The following GLI2 variants were observed in gnomAD, a reference collection of about 807,000 sequenced individuals.
GLI2 encodes GLI family zinc finger 2, also known as transcription activator GLI2.
In GLI2, 22 loss-of-function variants were observed where a neutral mutation model predicts 78.9. The ratio of observed to expected loss-of-function variants is 0.28; its 90% confidence interval spans 0.20 to 0.40. The LOEUF (loss-of-function observed/expected upper bound fraction) is 0.40, where lower values mean the gene tolerates loss of function less well. GLI2 is among the 10% of genes least tolerant of loss of function. The probability of loss-of-function intolerance (pLI) is 1.00; values close to 1 mark genes in which losing one functional copy is unlikely to be tolerated. For synonymous variants in GLI2, 974 were observed against 963.7 expected (o/e 1.01, Z -0.20); for missense variants, 2,097 against 2,213.2 (o/e 0.95, Z 1.05).
Position 120,951,227 on chromosome 2 carries a change from C to T in GLI2, c.255-16C>T, listed in dbSNP as rs764133019. The T allele has an allele frequency of 2.0e-6, 3 of 1,494,186 alleles. No individual in the cohort carries two copies. The highest frequency in any genetic ancestry group is 2.8e-6 in the Non-Finnish European group (3 of 1,070,694). 92.6% of individuals were successfully genotyped at this position (1,494,186 alleles called of 1,614,324 possible). ...CTGTGTCCTCCTTCTTAGACGGCTG[C>T]CCATTGTCTCTGCAGGCCCCCTGCC... On this transcript the variant is annotated splice_polypyrimidine_tract_variant and intron_variant, in intron 3 of 13. Coordinates refer to ENST00000361492, the MANE Select transcript of GLI2 (RefSeq NM_001374353.1).
intron 2 of GLI2, among the ~76,000 whole-genome samples, chr2:120,821,764 C>G (rs1685787043): frequency 6.6e-6 from 1 of 152,198 alleles, no homozygotes; most frequent in Non-Finnish European, 1.5e-5. Flanking sequence ...GTTGCCTAAG[C>G]CTGTGCTGCG....
intron 2 of GLI2, among the ~76,000 whole-genome samples, chr2:120,897,378 A>G (rs1678031920): frequency 6.6e-6 from 1 of 152,240 alleles, no homozygotes; most frequent in African/African-American, 2.4e-5. Flanking sequence ...CTTTCCTACT[A>G]AAGGCTAAAA....
In GLI2 at chr2:120,988,738, G is replaced by A. The variant is rs1027551866; in HGVS notation, c.2773G>A (p.Asp925Asn). 6.7e-6 allele frequency: 8 copies of A among 1,200,736 alleles called. No homozygotes were observed. The highest frequency in any genetic ancestry group is 8.3e-6 in the Non-Finnish European group (8 of 966,238). 74.4% of individuals were successfully genotyped at this position (1,200,736 alleles called of 1,614,324 possible). A position where few individuals can be genotyped will look rare whatever the true frequency, so the allele number is the denominator to read the frequency against. Residue 925 changes from aspartate (D) to asparagine (N), a missense_variant, in exon 14 of 14, where the codon GAC (aspartate) becomes AAC (asparagine). Asp to Asn is a conservative substitution (Grantham distance 23). Around this residue, in one of 5 missense-constraint regions of GLI2, gnomAD observed 1,290 missense variants for 1,261.7 expected, o/e 1.02. Transcript: ENST00000361492. Reference protein sequence around the residue: ...PRPLGPRRGSDGPTYGHGHAG... With the variant: ...PRPLGPRRGSNGPTYGHGHAG... ...CCCACTGGGGCCGCGGCGTGGCAGC[G>A]ACGGGCCGACCTATGGCCACGGCCA...
intron 2 of GLI2, among the ~76,000 whole-genome samples, chr2:120,881,702 ACAGTGGGGAGAGGG>A (rs1677146755): frequency 1.3e-5 from 1 of 78,228 alleles, no homozygotes; most frequent in Non-Finnish European, 2.6e-5. Context: ...AGTCGGGAGG[ACAGTGGGGAGAGGG>A]CAGGTGGGGG....
intron 2 of GLI2, among the ~76,000 whole-genome samples, chr2:120,824,606 G>C (rs1212382295): frequency 6.6e-6 from 1 of 152,178 alleles, no homozygotes; most frequent in Non-Finnish European, 1.5e-5. Flanking sequence ...GCCCCCTTTG[G>C]GTCTACACCA....
chr2:120,795,998 C>A (rs764729467), intron 1 of GLI2, among the ~76,000 whole-genome samples: 8 of 152,086 alleles, frequency 5.3e-5, no homozygotes, highest in Non-Finnish European at 1.2e-4. Flanking sequence ...GAGCCAAGAT[C>A]GCGCCATTGC....
chr2:120,849,141 G>C (rs1284098927), intron 2 of GLI2, among the ~76,000 whole-genome samples: 2 of 152,190 alleles, frequency 1.3e-5, no homozygotes, highest in African/African-American at 4.8e-5. Context: ...CAAATTCAGA[G>C]AGACAGAAAG....
chr2:120,863,433 C>T (rs1269851327), intron 2 of GLI2, among the ~76,000 whole-genome samples: 1 of 152,240 alleles, frequency 6.6e-6, no homozygotes, highest in Non-Finnish European at 1.5e-5. Flanking sequence ...GCCGTCTCTC[C>T]TGCTATGATG....
intron 2 of GLI2, among the ~76,000 whole-genome samples, chr2:120,897,898 C>T (rs1019980012): frequency 2.0e-5 from 3 of 152,094 alleles, no homozygotes; most frequent in Admixed American, 2.0e-4. Flanking sequence ...TGATATCATC[C>T]AGTAACTCTA....
Position 120,992,008 on chromosome 2 carries a change from A to ACACACACG in GLI2, c.*1340_*1341insGCACACAC. The ACACACACG allele has an allele frequency of 9.7e-5, 1 of 10,274 alleles. No individual in the cohort carries two copies. Among genetic ancestry groups the ACACACACG allele is most frequent in the East Asian group, 1.2e-3 (1 of 844 alleles). The allele number at this position is 10,274 out of a possible 1,614,324, so 0.6% of individuals were successfully genotyped here. ...TGAATTGGTGCATCTTCCCCACCAT[A>ACACACACG]CACACACACACACACACACACACAC... On this transcript the variant is annotated 3_prime_UTR_variant, in exon 14 of 14. Coordinates refer to ENST00000361492, the MANE Select transcript of GLI2 (RefSeq NM_001374353.1).
chr2:120,955,285 T>C lies in GLI2; in HGVS notation c.498T>C (p.Leu166=). The C allele has an allele frequency of 1.2e-6, 2 of 1,611,114 alleles. No homozygotes were observed. Among genetic ancestry groups the C allele is most frequent in the Non-Finnish European group, 8.5e-7 (1 of 1,178,946 alleles). ...EHLKERGLFG[L]PAPGTTPSDY... ...TTAAGGAGAGGGGACTGTTTGGCCT[T>C]CCTGCTCCAGGCACCACCCCCTCAG... The change falls in exon 5 of 14, where the codon CTT becomes CTC. Residue 166 remains leucine (L), a synonymous_variant. Transcript: ENST00000361492.
At chr2:120,841,981 A>G (rs937652721) in intron 2 of GLI2, among the ~76,000 whole-genome samples, 4 of 146,042 alleles carry the variant, frequency 2.7e-5, no homozygotes, top group African/African-American at 1.0e-4. Flanking sequence ...GCTTTTGGTA[A>G]GTTTTTTTTA....
In GLI2 at chr2:120,841,922, C is replaced by G. The variant is rs182367567; in HGVS notation, c.148+44454C>G. ...GCTCTGGGAAAGATAAATGAAGGCC[C>G]TTCTCCTTCACTCCAGTTCACTTTT... On this transcript the variant is annotated intron_variant, in intron 2 of 13. Coordinates refer to ENST00000361492, the MANE Select transcript of GLI2 (RefSeq NM_001374353.1). Among the ~76,000 whole-genome samples the G allele has an allele frequency of 8.7e-3, 1,299 of 149,322 alleles. 9 individuals are homozygous for G. Among genetic ancestry groups the G allele is most frequent in the Non-Finnish European group, 0.014 (937 of 67,324 alleles).
chr2:120,856,266 C>A (rs1441115676), intron 2 of GLI2, among the ~76,000 whole-genome samples: 2 of 152,210 alleles, frequency 1.3e-5, no homozygotes, highest in Non-Finnish European at 2.9e-5. Flanking sequence ...GGGTGCCCAC[C>A]TCTAGCAGCT....
chr2:120,844,533 C>G (rs1228742790), intron 2 of GLI2, among the ~76,000 whole-genome samples: 2 of 152,142 alleles, frequency 1.3e-5, no homozygotes, highest in Non-Finnish European at 2.9e-5. Context: ...CCTGGAGCAG[C>G]CTTTGTTGCT....
chr2:120,879,548 T>C (rs766401603), intron 2 of GLI2, among the ~76,000 whole-genome samples: 14 of 152,136 alleles, frequency 9.2e-5, no homozygotes, highest in Admixed American at 5.2e-4. Context: ...AGGAGGATGG[T>C]GTCCACAGTG....
intron 2 of GLI2, among the ~76,000 whole-genome samples, chr2:120,834,209 T>G (rs955635711): frequency 2.6e-5 from 4 of 152,112 alleles, no homozygotes; most frequent in African/African-American, 9.7e-5. Context: ...CACTTCCCAG[T>G]GGGAGGACAC....
chr2:120,796,578 G>A (rs1259188078), intron 1 of GLI2, among the ~76,000 whole-genome samples: 1 of 152,178 alleles, frequency 6.6e-6, no homozygotes, highest in Non-Finnish European at 1.5e-5. Flanking sequence ...CTACCCCAGA[G>A]AGGCCTGGCA....
chr2:120,777,176 TGC>T (rs1683705050), intron 1 of GLI2, among the ~76,000 whole-genome samples: 1 of 152,150 alleles, frequency 6.6e-6, no homozygotes, highest in Admixed American at 6.5e-5. Flanking sequence ...CATATGACTA[TGC>T]GTGTGTGTGA....
Sources: allele counts gnomAD v4.1 joint callset (sites outside exome capture counted in the v4.1 genomes callset), GRCh38; gene constraint gnomAD v4.1.1; regional missense constraint gnomAD v4.1.1; transcripts MANE v1.5; gene names NCBI Gene and HGNC (gene_info 2026-07-23, HGNC 2026-07-21).